Variants in DNAJC13 observed in about 807,000 individuals in gnomAD.
The protein encoded by DNAJC13 is DnaJ heat shock protein family (Hsp40) member C13, also known as dnaJ homolog subfamily C member 13.
Under a neutral mutation model 290.5 loss-of-function variants are expected in DNAJC13, and 75 were observed. The ratio of observed to expected loss-of-function variants is 0.26; its 90% CI spans 0.21 to 0.31. The LOEUF is 0.31. Among genes scored for constraint, DNAJC13 ranks in the 10% least tolerant of loss-of-function variants. The pLI, the probability that DNAJC13 is intolerant of heterozygous loss-of-function variation, is 1.00. For missense variants in DNAJC13, 2,260 were observed against 2,674.5 expected (o/e 0.85, Z 3.42); for synonymous variants, 862 against 892.0 (o/e 0.97, Z 0.60).
intron 54 of DNAJC13, among the ~76,000 whole-genome samples, chr3:132,530,136 G>T (rs73217978): frequency 6.6e-6 from 1 of 152,070 alleles, no homozygotes; most frequent in African/African-American, 2.4e-5. Context: ...CTTCTTTCCC[G>T]GGTTGGAGCA....
At chr3:132,535,912 C>A (rs548451001) in intron 55 of DNAJC13, among the ~76,000 whole-genome samples, 1 of 152,172 alleles carries the variant, frequency 6.6e-6, no homozygotes, top group African/African-American at 2.4e-5. Flanking sequence ...GGGAGAGCAT[C>A]TCGGATTTCA....
At chr3:132,447,506 T>A in intron 4 of DNAJC13, 36 bp downstream of exon 4, 1 of 1,506,440 alleles carries the variant, frequency 6.6e-7, no homozygotes, top group Non-Finnish European at 8.8e-7. Flanking sequence ...AAAATTTCTT[T>A]CTTCTCTTTT....
chr3:132,451,958 G>C (rs537007105), intron 6 of DNAJC13, among the ~76,000 whole-genome samples: 10 of 152,148 alleles, frequency 6.6e-5, no homozygotes, highest in Non-Finnish European at 1.5e-4. Context: ...ACCTCTGTGT[G>C]TTACCTCTGA....
intron 22 of DNAJC13, 115 bp downstream of exon 22, chr3:132,475,200 T>A: frequency 1.4e-6 from 1 of 690,798 alleles, no homozygotes; most frequent in South Asian, 4.0e-5. Context: ...CCTTTCCCCC[T>A]TTAATGTTAT....
intron 1 of DNAJC13, among the ~76,000 whole-genome samples, chr3:132,425,165 T>G (rs1187594444): frequency 6.6e-6 from 1 of 152,160 alleles, no homozygotes; most frequent in African/African-American, 2.4e-5. Flanking sequence ...TATCTATTAC[T>G]CTTATTAGTT....
At chr3:132,475,116 TTAAAAAA>T in intron 22 of DNAJC13, 31 bp downstream of exon 22, 1 of 1,513,876 alleles carries the variant, frequency 6.6e-7, no homozygotes, top group Non-Finnish European at 8.8e-7. Context: ...TATATTAATC[TTAAAAAA>T]TAAAGCATGT....
chr3:132,529,937 A>G (rs73217977), intron 54 of DNAJC13, among the ~76,000 whole-genome samples: 5,655 of 152,308 alleles, frequency 0.037, 169 homozygotes, highest in African/African-American at 0.08. Flanking sequence ...AATGCCAAGC[A>G]AAGGCTCTCC....
At position 132,506,045 on chromosome 3, in the gene DNAJC13, C is replaced by CTT. The variant is rs573857472; in HGVS notation, c.4998+652_4998+653dup. Among the ~76,000 whole-genome samples, 478 of 72,534 alleles carry CTT rather than the reference C, an allele frequency of 6.6e-3. 5 individuals carry two copies. Among genetic ancestry groups the CTT allele is most frequent in the Middle Eastern group, 0.015 (1 of 68 alleles). The allele number at this position is 72,534 out of a possible 152,430, so 47.6% of individuals were successfully genotyped here. On this transcript the variant is annotated intron_variant, in intron 42 of 55. Coordinates refer to ENST00000260818, the MANE Select transcript of DNAJC13 (RefSeq NM_015268.4). ...CGGGTCTTACATGTCTGTACATTAT[C>CTT]TTTTTTTTTTTTTTTTTTTTTTTGA...
chr3:132,418,485 C>T (rs1576448349), intron 1 of DNAJC13, among the ~76,000 whole-genome samples: 1 of 152,188 alleles, frequency 6.6e-6, no homozygotes, highest in East Asian at 1.9e-4. Flanking sequence ...TTCCGTTAAC[C>T]ACGTTTGTCT....
At chr3:132,479,823 G>A (rs1021054400) in intron 25 of DNAJC13, among the ~76,000 whole-genome samples, 8 of 151,828 alleles carry the variant, frequency 5.3e-5, no homozygotes, top group African/African-American at 1.2e-4. Flanking sequence ...AAGTGTAAGC[G>A]GATTTTCATT....
intron 29 of DNAJC13, among the ~76,000 whole-genome samples, chr3:132,485,217 A>G (rs1000369547): frequency 4.6e-5 from 7 of 152,098 alleles, no homozygotes; most frequent in African/African-American, 1.7e-4. Flanking sequence ...GACCCAATCC[A>G]ACCTTCGCCT....
rs1443724009 is a variant in DNAJC13, at chr3:132,483,559, G to A, written c.3164G>A (p.Cys1055Tyr). 1 of 1,613,946 alleles carries A rather than the reference G, an allele frequency of 6.2e-7. No homozygotes were observed. Among genetic ancestry groups the A allele is most frequent in the East Asian group, 2.2e-5 (1 of 44,884 alleles). The change falls in exon 28 of 56, where the codon TGT becomes TAT. Residue 1055 changes from cysteine to tyrosine, a missense_variant. Physicochemically the swap from Cys to Tyr is radical, Grantham distance 194. Around this residue, in one of 3 missense-constraint regions of DNAJC13, gnomAD observed 1,494 missense variants for 1,693.7 expected, o/e 0.88. Transcript: ENST00000260818. ...TLILNMLITM[C>Y]GYFPSRDQDN... ...ATATTGAACATGTTGATCACAATGTGTGGATATTTTCCAAGCAGGTAAAAT... is the reference window on the plus strand; with the variant it reads ...ATATTGAACATGTTGATCACAATGTATGGATATTTTCCAAGCAGGTAAAAT...
intron 1 of DNAJC13, among the ~76,000 whole-genome samples, chr3:132,432,653 A>T (rs1559866405): frequency 2.6e-5 from 4 of 152,264 alleles, no homozygotes; most frequent in Admixed American, 2.6e-4. Flanking sequence ...ATTAGCAGCC[A>T]GTTCCAACAA....
chr3:132,451,309 A>G (rs1933408393), intron 6 of DNAJC13, among the ~76,000 whole-genome samples: 1 of 152,166 alleles, frequency 6.6e-6, no homozygotes, highest in African/African-American at 2.4e-5. Context: ...AAAAAGGAAA[A>G]AAAAATGAAA....
At chr3:132,499,024 A>AT in intron 36 of DNAJC13, 102 bp from the exon 37 acceptor site, 2 of 1,142,582 alleles carry the variant, frequency 1.8e-6, no homozygotes, top group Non-Finnish European at 2.4e-6. Flanking sequence ...CCCCATTTTT[A>AT]TTTTTTTAAG....
intron 48 of DNAJC13, among the ~76,000 whole-genome samples, chr3:132,520,855 T>G (rs1459557392): frequency 6.6e-6 from 1 of 152,216 alleles, no homozygotes; most frequent in Non-Finnish European, 1.5e-5. Flanking sequence ...ATTACAAGTA[T>G]ATAGTTCACT....
chr3:132,525,530 G>T, intron 51 of DNAJC13, 80 bp from the exon 52 acceptor site: 2 of 1,444,216 alleles, frequency 1.4e-6, no homozygotes, highest in South Asian at 2.7e-5. Context: ...CCCTAGTTTT[G>T]AACACCAAAT....
chr3:132,425,831 G>A (rs1404353716), intron 1 of DNAJC13, among the ~76,000 whole-genome samples: 5 of 152,030 alleles, frequency 3.3e-5, no homozygotes, highest in Admixed American at 2.6e-4. Context: ...CAAGCCATGT[G>A]TATATACTTA....
At chr3:132,460,030 G>A (rs1576472542) in intron 13 of DNAJC13, among the ~76,000 whole-genome samples, 1 of 152,128 alleles carries the variant, frequency 6.6e-6, no homozygotes, top group East Asian at 1.9e-4. Context: ...TATATGTTGA[G>A]TTAATTGTTG....
Sources: gnomAD v4.1 joint callset for allele counts (sites outside exome capture counted in the v4.1 genomes callset) on GRCh38, gnomAD v4.1.1 for gene constraint, gnomAD v4.1.1 regional missense constraint, MANE v1.5 for transcripts, NCBI Gene and HGNC (gene_info 2026-07-23, HGNC 2026-07-21) for gene names.